Variants in ENTREP2 observed in about 807,000 individuals in gnomAD.
The protein encoded by ENTREP2 is protein ENTREP2.
At chr15:29,409,615 G>A in the ENTREP2 span, among the ~76,000 whole-genome samples, 2 of 141,514 alleles carry the variant, frequency 1.4e-5, no homozygotes, top group Admixed American at 7.4e-5. Context: ...ATGAGCCACC[G>A]TGCCCGGCCT....
the ENTREP2 span, among the ~76,000 whole-genome samples, chr15:29,634,118 G>A: frequency 1.8e-4 from 28 of 152,228 alleles, 1 homozygote; most frequent in South Asian, 6.2e-4. Context: ...CCCTGGAGAC[G>A]AGGTCTTCAG....
At chr15:29,164,976 C>T in the ENTREP2 span, among the ~76,000 whole-genome samples, 1 of 152,098 alleles carries the variant, frequency 6.6e-6, no homozygotes, top group East Asian at 1.9e-4. Context: ...TTATATCAAG[C>T]ACTCTCTCAG....
At chr15:29,305,870 A>C in the ENTREP2 span, among the ~76,000 whole-genome samples, 1 of 152,212 alleles carries the variant, frequency 6.6e-6, no homozygotes, top group African/African-American at 2.4e-5. Context: ...TAGAGAGAGA[A>C]GCTGGATAGA....
chr15:29,432,986 T>C, the ENTREP2 span, among the ~76,000 whole-genome samples: 2 of 152,200 alleles, frequency 1.3e-5, no homozygotes, highest in Admixed American at 6.5e-5. Context: ...GTCTTTATCA[T>C]GGTGTAAGGC....
At chr15:29,665,768 T>C in the ENTREP2 span, among the ~76,000 whole-genome samples, 1 of 152,038 alleles carries the variant, frequency 6.6e-6, no homozygotes, top group Non-Finnish European at 1.5e-5. Context: ...GAGGACCTGT[T>C]TTGAAGGTTC....
the ENTREP2 span, among the ~76,000 whole-genome samples, chr15:29,435,071 T>G: frequency 1.3e-5 from 2 of 152,116 alleles, no homozygotes; most frequent in Non-Finnish European, 2.9e-5. Flanking sequence ...TTTCCTTTCC[T>G]CCCCATTTTC....
chr15:29,610,669 T>C, the ENTREP2 span: 2 of 150,410 alleles, frequency 1.3e-5, no homozygotes, highest in African/African-American at 4.9e-5. Context: ...CCGCAGCTCA[T>C]GGCAAAGATC....
chr15:29,556,343 C>T, the ENTREP2 span, among the ~76,000 whole-genome samples: 2,965 of 152,096 alleles, frequency 0.019, 89 homozygotes, highest in African/African-American at 0.067. Context: ...CAGTGCAGTA[C>T]GGTTTGGAAA....
chr15:29,577,349 T>TATGTGTGA, the ENTREP2 span, among the ~76,000 whole-genome samples: 1 of 144,336 alleles, frequency 6.9e-6, no homozygotes, highest in African/African-American at 2.6e-5. Flanking sequence ...TGTGTGTGTG[T>TATGTGTGA]GAGAGAGAGA....
the ENTREP2 span, among the ~76,000 whole-genome samples, chr15:29,314,101 T>G: frequency 1.3e-5 from 2 of 152,262 alleles, no homozygotes; most frequent in African/African-American, 4.8e-5. Context: ...GACAAGCAGC[T>G]GCTTCTTATG....
At chr15:29,117,804 C>CTAA in the ENTREP2 span, 22 of 152,362 alleles carry the variant, frequency 1.4e-4, no homozygotes, top group African/African-American at 4.4e-4. Flanking sequence ...TCCAATGTGA[C>CTAA]TAATGACCAC....
the ENTREP2 span, among the ~76,000 whole-genome samples, chr15:29,597,527 C>A: frequency 8.0e-5 from 12 of 150,500 alleles, no homozygotes; most frequent in South Asian, 2.5e-3. Context: ...GAGATTGCGC[C>A]ATTGCACTCT....
chr15:29,385,226 C>T, the ENTREP2 span, among the ~76,000 whole-genome samples: 1 of 152,170 alleles, frequency 6.6e-6, no homozygotes, highest in East Asian at 1.9e-4. Context: ...CATAAAACTT[C>T]CAAATCGTAG....
the ENTREP2 span, among the ~76,000 whole-genome samples, chr15:29,358,183 C>T: frequency 6.6e-6 from 1 of 152,164 alleles, no homozygotes. Flanking sequence ...ATGGCCCATG[C>T]AGCCACTGAA....
chr15:29,269,965 G>A, the ENTREP2 span: 1 of 430,822 alleles, frequency 2.3e-6, no homozygotes, highest in South Asian at 6.4e-5. Flanking sequence ...GTGAAGTGTT[G>A]TTACCAAACC....
the ENTREP2 span, among the ~76,000 whole-genome samples, chr15:29,489,669 A>T: frequency 1.3e-4 from 20 of 152,334 alleles, no homozygotes; most frequent in African/African-American, 4.1e-4. Context: ...TGGATATCCC[A>T]TGCACAACCC....
the ENTREP2 span, among the ~76,000 whole-genome samples, chr15:29,321,942 C>T: frequency 1.3e-5 from 2 of 151,452 alleles, no homozygotes; most frequent in Admixed American, 6.6e-5. Flanking sequence ...ACCCATGTAA[C>T]CAACCTGCAC....
chr15:29,241,410 G>A, the ENTREP2 span, among the ~76,000 whole-genome samples: 1 of 149,302 alleles, frequency 6.7e-6, no homozygotes, highest in Non-Finnish European at 1.5e-5. Context: ...ACATATACAT[G>A]TACATAAATA....
At chr15:29,446,740 C>T in the ENTREP2 span, among the ~76,000 whole-genome samples, 1 of 152,230 alleles carries the variant, frequency 6.6e-6, no homozygotes, top group East Asian at 1.9e-4. Flanking sequence ...ACAGGTCTCC[C>T]TGTGGAGACT....
Sources: gnomAD v4.1 joint callset for allele counts (sites outside exome capture counted in the v4.1 genomes callset) on GRCh38, gnomAD v4.1.1 for gene constraint, MANE v1.5 for transcripts, NCBI Gene and HGNC (gene_info 2026-07-23, HGNC 2026-07-21) for gene names.